Variants in THOC7 observed in about 807,000 individuals in gnomAD.
The protein encoded by THOC7 is THO complex subunit 7, also known as NIF3L1-binding protein 1.
In THOC7, 22 loss-of-function variants were observed where a neutral mutation model predicts 33.1. The ratio of observed to expected loss-of-function variants is 0.66; its 90% CI spans 0.47 to 0.95. The LOEUF is 0.95. Ranked by LOEUF, THOC7 falls within the 40% of genes least tolerant of loss-of-function variation. The pLI, the probability that THOC7 is intolerant of heterozygous loss-of-function variation, is 0.00. For synonymous variants in THOC7, 77 were observed against 76.8 expected, an observed-to-expected ratio of 1.00 and a Z score of -0.01; for missense variants, 184 against 245.3, an observed-to-expected ratio of 0.75 and a Z score of 1.67.
At chr3:63,849,332 G>A (rs780825792) in intron 1 of THOC7, among the ~76,000 whole-genome samples, 3 of 152,120 alleles carry the variant, frequency 2.0e-5, no homozygotes, top group South Asian at 2.1e-4. Context: ...AGGTTGCAGC[G>A]GGCCAAGACT....
rs546741642 is a variant in THOC7 at position 63,863,797 on chromosome 3, C to CGCGGCGGCGGCGGCGGCGGCGGCGGCG, written c.-8_-7insCGCCGCCGCCGCCGCCGCCGCCGCCGC. On this transcript the variant is annotated 5_prime_UTR_variant, in exon 1 of 8. Coordinates refer to ENST00000295899, the MANE Select transcript of THOC7 (RefSeq NM_025075.4). Reference sequence around the variant, plus strand: ...CGTCAGTCACGGCTCCCATGGCGTGCGCGGCGGCGGCGGCGGCGGCGGCGG... The same window carrying CGCGGCGGCGGCGGCGGCGGCGGCGGCG: ...CGTCAGTCACGGCTCCCATGGCGTGCGCGGCGGCGGCGGCGGCGGCGGCGGCGGCGGCGGCGGCGGCGGCGGCGGCGG... 8.1e-7 allele frequency: 1 copy of CGCGGCGGCGGCGGCGGCGGCGGCGGCG among 1,236,062 alleles called. No homozygotes were observed. Among genetic ancestry groups the CGCGGCGGCGGCGGCGGCGGCGGCGGCG allele is most frequent in the Non-Finnish European group, 1.0e-6 (1 of 995,970 alleles). 76.6% of individuals were successfully genotyped at this position (1,236,062 alleles called of 1,614,324 possible).
intron 1 of THOC7, 108 bp from the exon 2 acceptor site, chr3:63,839,881 A>T: frequency 2.3e-6 from 2 of 867,634 alleles, no homozygotes; most frequent in South Asian, 1.6e-5. Context: ...ATTGAAATGT[A>T]AATGCATTTA....
In THOC7 at chr3:63,863,694, G is replaced by A. The variant is rs897580551; in HGVS notation, c.19+78C>T. 3.2e-6 allele frequency: 4 copies of A among 1,240,804 alleles called. No homozygotes were observed. The African/African-American group carries it at 4.7e-5, about 15-fold the overall frequency. 76.9% of individuals were successfully genotyped at this position (1,240,804 alleles called of 1,614,324 possible). A position where few individuals can be genotyped will look rare whatever the true frequency, so the allele number is the denominator to read the frequency against. ...GGGAGGCCGAGGGGTTCCCGGAAGC[G>A]GGCCGGGAGGCCAGGGGTCTCAGGG... On this transcript the variant is annotated intron_variant, in intron 1 of 7. Transcript: ENST00000295899.
intron 1 of THOC7, among the ~76,000 whole-genome samples, chr3:63,854,319 T>C (rs1702072280): frequency 6.6e-6 from 1 of 152,228 alleles, no homozygotes; most frequent in African/African-American, 2.4e-5. Flanking sequence ...TTATTTTTAA[T>C]GACATCTTAT....
intron 1 of THOC7, among the ~76,000 whole-genome samples, chr3:63,848,919 CTGA>C (rs1480401953): frequency 2.0e-5 from 3 of 152,220 alleles, no homozygotes; most frequent in Admixed American, 2.0e-4. Flanking sequence ...TTCTTTCTAC[CTGA>C]TGATATCTCC....
At chr3:63,846,270 G>A (rs1701893042) in intron 1 of THOC7, 1 of 438,056 alleles carries the variant, frequency 2.3e-6, no homozygotes, top group Admixed American at 2.5e-5. Context: ...TGAAAAATCA[G>A]GAGATAATCC....
intron 1 of THOC7, chr3:63,848,498 A>G (rs574396122): frequency 7.2e-5 from 11 of 152,280 alleles, no homozygotes; most frequent in African/African-American, 2.6e-4. Context: ...ACGTGTATTC[A>G]TTGATGTCTG....
At chr3:63,847,311 T>C (rs566960108) in intron 1 of THOC7, among the ~76,000 whole-genome samples, 3 of 152,366 alleles carry the variant, frequency 2.0e-5, no homozygotes, top group East Asian at 3.9e-4. Context: ...TGAACTCTCA[T>C]CAGGTTTTAA....
chr3:63,858,908 C>T (rs1191873759), intron 1 of THOC7, among the ~76,000 whole-genome samples: 1 of 152,176 alleles, frequency 6.6e-6, no homozygotes, highest in Non-Finnish European at 1.5e-5. Context: ...GTTCCTCAAA[C>T]TGAGTGCAGG....
At chr3:63,846,657 C>G (rs1352488164) in intron 1 of THOC7, among the ~76,000 whole-genome samples, 1 of 152,094 alleles carries the variant, frequency 6.6e-6, no homozygotes, top group Admixed American at 6.5e-5. Context: ...GTGATCCACC[C>G]ACCTCGGCCT....
chr3:63,854,370 T>C (rs1702073361), intron 1 of THOC7, among the ~76,000 whole-genome samples: 1 of 152,204 alleles, frequency 6.6e-6, no homozygotes, highest in Non-Finnish European at 1.5e-5. Context: ...TATGTTTTGT[T>C]TACTATACAT....
chr3:63,853,044 G>A (rs1436990747), intron 1 of THOC7, among the ~76,000 whole-genome samples: 18 of 152,074 alleles, frequency 1.2e-4, no homozygotes, highest in East Asian at 5.8e-4. Flanking sequence ...GCAGCTACTC[G>A]GGAGGCTGAG....
intron 4 of THOC7, 76 bp downstream of exon 4, chr3:63,837,897 ACCT>A: frequency 7.7e-7 from 1 of 1,300,140 alleles, no homozygotes; most frequent in Admixed American, 2.5e-5. Flanking sequence ...TGCAGATTTT[ACCT>A]CACAACATTA....
At chr3:63,839,017 C>G (rs898964416) in intron 2 of THOC7, among the ~76,000 whole-genome samples, 1 of 152,044 alleles carries the variant, frequency 6.6e-6, no homozygotes, top group African/African-American at 2.4e-5. Context: ...ATGGTGAAAC[C>G]CCATCTCTAC....
Position 63,863,776 on chromosome 3 carries a change from A to T in THOC7, c.15T>A (p.Thr5=), listed in dbSNP as rs1228729653. The T allele has an allele frequency of 6.4e-6, 8 of 1,251,530 alleles. No homozygotes were observed. The highest frequency in any genetic ancestry group is 8.0e-6 in the Non-Finnish European group (8 of 1,005,824). 77.5% of individuals were successfully genotyped at this position (1,251,530 alleles called of 1,614,324 possible). Residue 5 remains threonine (T), a synonymous_variant, in exon 1 of 8, where the codon ACT becomes ACA. Coordinates refer to ENST00000295899, the MANE Select transcript of THOC7 (RefSeq NM_025075.4). MGAV[T]DDEVIRKRLL... is the part of the protein sequence containing the mutation. ...TGGCGGCGAGCGGGGCCTCACCGTCAGTCACGGCTCCCATGGCGTGCGCGG... is the reference window on the plus strand; with the variant it reads ...TGGCGGCGAGCGGGGCCTCACCGTCTGTCACGGCTCCCATGGCGTGCGCGG...
intron 1 of THOC7, chr3:63,844,998 T>G (rs1352861741): frequency 2.9e-6 from 2 of 689,252 alleles, no homozygotes; most frequent in Non-Finnish European, 5.3e-6. Context: ...ATCTTTACAT[T>G]TGTTGTAATT....
intron 1 of THOC7, 154 bp downstream of exon 1, chr3:63,863,618 G>A (rs1283594268): frequency 1.7e-6 from 2 of 1,196,390 alleles, no homozygotes; most frequent in African/African-American, 3.2e-5. Context: ...GGGGAGGCCC[G>A]GGGCTCCGGG....
At chr3:63,860,359 T>C (rs1000427573) in intron 1 of THOC7, among the ~76,000 whole-genome samples, 2 of 152,176 alleles carry the variant, frequency 1.3e-5, no homozygotes, top group Non-Finnish European at 1.5e-5. Context: ...TCTACTGGCT[T>C]TAGAATGTCT....
intron 1 of THOC7, among the ~76,000 whole-genome samples, chr3:63,860,262 C>T (rs1346781918): frequency 6.6e-6 from 1 of 152,118 alleles, no homozygotes; most frequent in Non-Finnish European, 1.5e-5. Context: ...TTAGGATGGT[C>T]GCAAACTCCT....
Sources: allele counts gnomAD v4.1 joint callset (sites outside exome capture counted in the v4.1 genomes callset), GRCh38; gene constraint gnomAD v4.1.1; transcripts MANE v1.5; gene names NCBI Gene and HGNC (gene_info 2026-07-23, HGNC 2026-07-21).